The following SLC24A3 variants were observed in gnomAD, a reference collection of about 807,000 sequenced individuals.
SLC24A3 encodes the protein solute carrier family 24 member 3, also known as sodium/potassium/calcium exchanger 3.
Under a neutral mutation model 75.8 loss-of-function variants are expected in SLC24A3, and 28 were observed. The ratio of observed to expected loss-of-function variants is 0.37; its 90% CI spans 0.27 to 0.51. SLC24A3 has a LOEUF of 0.51. Ranked by LOEUF, SLC24A3 falls within the 20% of genes least tolerant of loss-of-function variation. SLC24A3 has a pLI of 0.94. For missense variants in SLC24A3, 663 were observed against 847.8 expected, an observed-to-expected ratio of 0.78 and a Z score of 2.71; for synonymous variants, 372 against 334.1, an observed-to-expected ratio of 1.11 and a Z score of -1.24.
intron 16 of SLC24A3, among the ~76,000 whole-genome samples, chr20:19,717,898 C>A (rs2033060176): frequency 6.6e-6 from 1 of 152,210 alleles, no homozygotes; most frequent in Non-Finnish European, 1.5e-5. Context: ...AAGGTAGATT[C>A]CAATTCATTG....
intron 2 of SLC24A3, among the ~76,000 whole-genome samples, chr20:19,379,357 G>A (rs1274748331): frequency 2.6e-5 from 4 of 152,186 alleles, no homozygotes; most frequent in Non-Finnish European, 4.4e-5. Flanking sequence ...TTGGAGATAA[G>A]GCTGGAAGGC....
intron 6 of SLC24A3, among the ~76,000 whole-genome samples, chr20:19,609,131 A>T (rs933733058): frequency 6.6e-6 from 1 of 152,198 alleles, no homozygotes; most frequent in African/African-American, 2.4e-5. Context: ...ATCAGGATGG[A>T]GACTTGGAAA....
intron 2 of SLC24A3, among the ~76,000 whole-genome samples, chr20:19,503,449 T>C (rs767248415): frequency 6.6e-6 from 1 of 152,218 alleles, no homozygotes; most frequent in Non-Finnish European, 1.5e-5. Context: ...TGCACAAACT[T>C]AGTGATCTAA....
chr20:19,476,270 C>G (rs967489511), intron 2 of SLC24A3, among the ~76,000 whole-genome samples: 4 of 152,188 alleles, frequency 2.6e-5, no homozygotes, highest in Admixed American at 6.5e-5. Flanking sequence ...GAGCTTGCCT[C>G]AGGTGTAAAT....
intron 13 of SLC24A3, 145 bp from the exon 14 acceptor site, chr20:19,696,652 C>A: frequency 1.7e-6 from 1 of 589,200 alleles, no homozygotes; most frequent in Non-Finnish European, 3.1e-6. Flanking sequence ...GTGTTTGTCA[C>A]CCTCTGTATT....
intron 6 of SLC24A3, among the ~76,000 whole-genome samples, chr20:19,641,308 G>C (rs1195552772): frequency 6.6e-6 from 1 of 152,134 alleles, no homozygotes; most frequent in African/African-American, 2.4e-5. Context: ...ACCTTCAGAT[G>C]ATTTCAGCCC....
At chr20:19,219,335 AGT>A (rs775070918) in intron 1 of SLC24A3, among the ~76,000 whole-genome samples, 14 of 152,062 alleles carry the variant, frequency 9.2e-5, no homozygotes, top group Non-Finnish European at 1.5e-4. Context: ...CCCTTGAGGG[AGT>A]TCCTGCCCGG....
rs16980859 is a variant in SLC24A3 at position 19,599,059 on chromosome 20, T to C, written c.612+13515T>C. ...TACATGCATGAACTCGTTTAATCTT[T>C]GTATCAACCCCATGGTGTCGGTTCT... On this transcript the variant is annotated intron_variant, in intron 6 of 16. Coordinates refer to ENST00000328041, the MANE Select transcript of SLC24A3 (RefSeq NM_020689.4). Among the ~76,000 whole-genome samples, 1,490 of 152,328 alleles carry C rather than the reference T, an allele frequency of 9.8e-3. 56 individuals carry two copies. The highest frequency in any genetic ancestry group is 0.069 in the Admixed American group (1,056 of 15,300).
chr20:19,411,968 C>G (rs1986750436), intron 2 of SLC24A3, among the ~76,000 whole-genome samples: 1 of 152,174 alleles, frequency 6.6e-6, no homozygotes, highest in South Asian at 2.1e-4. Context: ...GTCCCCAACC[C>G]CAGCCCTTAC....
intron 3 of SLC24A3, among the ~76,000 whole-genome samples, chr20:19,537,281 C>T (rs1169525546): frequency 6.6e-6 from 1 of 152,218 alleles, no homozygotes; most frequent in Non-Finnish European, 1.5e-5. Context: ...AAAAAATGCT[C>T]ATCATCACCG....
chr20:19,359,734 C>T (rs899501807), intron 2 of SLC24A3, among the ~76,000 whole-genome samples: 3 of 152,176 alleles, frequency 2.0e-5, no homozygotes, highest in African/African-American at 7.2e-5. Context: ...TCTGGCTCTG[C>T]TTTCTGACTG....
At chr20:19,365,994 C>T (rs1985882510) in intron 2 of SLC24A3, among the ~76,000 whole-genome samples, 1 of 152,218 alleles carries the variant, frequency 6.6e-6, no homozygotes, top group African/African-American at 2.4e-5. Flanking sequence ...ATAACTCTCC[C>T]TTTGCTAACC....
intron 2 of SLC24A3, among the ~76,000 whole-genome samples, chr20:19,300,598 A>G (rs1984171708): frequency 6.6e-6 from 1 of 152,182 alleles, no homozygotes. Context: ...ATACACACAT[A>G]TGCTCATTGT....
intron 3 of SLC24A3, among the ~76,000 whole-genome samples, chr20:19,575,117 T>G (rs1291845231): frequency 1.3e-5 from 2 of 151,798 alleles, no homozygotes; most frequent in African/African-American, 2.4e-5. Flanking sequence ...AAGGGCGTGG[T>G]GGCACACATC....
At chr20:19,317,457 A>T (rs1017132966) in intron 2 of SLC24A3, among the ~76,000 whole-genome samples, 1 of 152,120 alleles carries the variant, frequency 6.6e-6, no homozygotes, top group Non-Finnish European at 1.5e-5. Context: ...CTCCCCTGTG[A>T]CCTGCTGCAT....
chr20:19,596,308 C>T (rs1472129342), intron 6 of SLC24A3, among the ~76,000 whole-genome samples: 1 of 151,932 alleles, frequency 6.6e-6, no homozygotes, highest in Non-Finnish European at 1.5e-5. Context: ...GGAGGTGATG[C>T]CAAGAGGGTT....
chr20:19,520,750 C>T (rs1386315070), intron 3 of SLC24A3, among the ~76,000 whole-genome samples: 2 of 152,176 alleles, frequency 1.3e-5, no homozygotes, highest in African/African-American at 4.8e-5. Flanking sequence ...CACCTGTCCG[C>T]ACTTCTTTCT....
chr20:19,557,168 A>G (rs1317676829), intron 3 of SLC24A3, among the ~76,000 whole-genome samples: 1 of 152,056 alleles, frequency 6.6e-6, no homozygotes, highest in African/African-American at 2.4e-5. Context: ...TGATATCTTG[A>G]CTTTTCTATG....
At chr20:19,450,210 GC>G (rs1255068842) in intron 2 of SLC24A3, among the ~76,000 whole-genome samples, 3 of 152,172 alleles carry the variant, frequency 2.0e-5, no homozygotes, top group Admixed American at 6.5e-5. Context: ...CAACATGATG[GC>G]AGTCCTCTCC....
Sources: allele counts gnomAD v4.1 joint callset (sites outside exome capture counted in the v4.1 genomes callset), GRCh38; gene constraint gnomAD v4.1.1; transcripts MANE v1.5; gene names NCBI Gene and HGNC (gene_info 2026-07-23, HGNC 2026-07-21).